Variants in PFKP observed in about 807,000 individuals in gnomAD.
PFKP encodes ATP-dependent 6-phosphofructokinase, platelet type.
PFKP carries 101 observed loss-of-function variants against 94.3 expected under a neutral mutation model. The ratio of observed to expected loss-of-function variants is 1.07; its 90% CI spans 0.91 to 1.26. PFKP has a LOEUF of 1.26. Among genes scored for constraint, PFKP ranks in the 50% most tolerant of loss-of-function variants. The pLI, the probability that PFKP is intolerant of heterozygous loss-of-function variation, is 0.00. For synonymous variants in PFKP, 573 were observed against 432.6 expected (o/e 1.32, Z -4.03); for missense variants, 1,145 against 1,103.3 (o/e 1.04, Z -0.53).
At chr10:3,125,049 A>C in intron 16 of PFKP, 1 of 1,164,808 alleles carries the variant, frequency 8.6e-7, no homozygotes, top group Non-Finnish European at 1.1e-6. Flanking sequence ...TGGGGCTGGC[A>C]GGTGAGCACC....
At chr10:3,093,454 T>C (rs1834215962) in intron 2 of PFKP, among the ~76,000 whole-genome samples, 1 of 152,172 alleles carries the variant, frequency 6.6e-6, no homozygotes, top group African/African-American at 2.4e-5. Flanking sequence ...GACCTGACTC[T>C]ACAGGGTCTT....
chr10:3,087,798 TTCC>T (rs1447587617), intron 2 of PFKP, among the ~76,000 whole-genome samples: 3 of 152,084 alleles, frequency 2.0e-5, no homozygotes, highest in Admixed American at 2.0e-4. Context: ...TTTCTTCACC[TTCC>T]TCCAGTGTAG....
chr10:3,118,247 T>TC (rs1364089383), intron 14 of PFKP, among the ~76,000 whole-genome samples: 6 of 152,188 alleles, frequency 3.9e-5, no homozygotes, highest in Non-Finnish European at 7.3e-5. Context: ...GGCAGGTGGA[T>TC]CAGGAGGTCA....
chr10:3,090,750 G>A (rs1006111274), intron 2 of PFKP, among the ~76,000 whole-genome samples: 10 of 152,098 alleles, frequency 6.6e-5, no homozygotes, highest in Admixed American at 5.2e-4. Flanking sequence ...CAACATCGGC[G>A]AACGTCCTAT....
intron 11 of PFKP, among the ~76,000 whole-genome samples, chr10:3,112,751 A>G (rs945884275): frequency 2.0e-5 from 3 of 152,228 alleles, no homozygotes; most frequent in African/African-American, 7.2e-5. Context: ...TATTTTTAGT[A>G]CAGACGGGGT....
chr10:3,091,673 G>T (rs1395203173), intron 2 of PFKP, among the ~76,000 whole-genome samples: 2 of 152,066 alleles, frequency 1.3e-5, no homozygotes, highest in African/African-American at 4.8e-5. Context: ...CAGGTAGCTG[G>T]GCGTGGTGTA....
rs1475350741 is a variant in PFKP at position 3,118,781 on chromosome 10, GC to G, written c.1443del (p.Val482PhefsTer23). The stretch of plus-strand genomic sequence containing the variant: ...ATCGTTCTCCACGTGGCTATTTTCA[GC>G]GTTCTCCCGGGGAAGTACTTGGAAG... ...GQGGSILGTK[R>X]VLPGKYLEEI... On this transcript the variant is annotated frameshift_variant and splice_region_variant, in exon 15 of 22. Coordinates refer to ENST00000381125, the MANE Select transcript of PFKP (RefSeq NM_002627.5). LOFTEE classifies it high-confidence loss of function. The G allele has an allele frequency of 6.2e-7, 1 of 1,612,428 alleles. No individual in the cohort carries two copies. Among genetic ancestry groups the G allele is most frequent in the South Asian group, 1.1e-5 (1 of 90,898 alleles).
chr10:3,102,053 CATCCCGGCTAAA>C (rs1178513364), intron 4 of PFKP, among the ~76,000 whole-genome samples: 2 of 150,438 alleles, frequency 1.3e-5, no homozygotes, highest in African/African-American at 4.9e-5. Flanking sequence ...AGATCGAGAC[CATCCCGGCTAAA>C]ACGGTGAAAC....
At chr10:3,118,312 C>CA (rs531741302) in intron 14 of PFKP, among the ~76,000 whole-genome samples, 68 of 151,932 alleles carry the variant, frequency 4.5e-4, no homozygotes, top group Admixed American at 2.2e-3. Context: ...ACTAAAAATG[C>CA]AAAAAATTAG....
At chr10:3,078,898 C>T (rs1252551584) in intron 1 of PFKP, among the ~76,000 whole-genome samples, 1 of 152,180 alleles carries the variant, frequency 6.6e-6, no homozygotes, top group Non-Finnish European at 1.5e-5. Context: ...ATGGCTCCAT[C>T]CTACCAATGC....
rs1012118525 is a variant in PFKP, at chr10:3,102,267, A to G, written c.454+713A>G. 3.4e-5 allele frequency among the ~76,000 whole-genome samples: 5 copies of G among 148,680 alleles called. No individual in the cohort carries two copies. The South Asian group carries it at 8.5e-4, about 25-fold the overall frequency. ...CTCTGTCTCAAAAAAAAAAAAAAAA[A>G]AAAAAACTGAAGTTGCCACAGGACT... is the stretch of plus-strand genomic sequence containing the variant. On this transcript the variant is annotated intron_variant, in intron 4 of 21. Transcript: ENST00000381125.
chr10:3,080,224 A>T (rs1832943882), intron 1 of PFKP, among the ~76,000 whole-genome samples: 1 of 152,198 alleles, frequency 6.6e-6, no homozygotes, highest in Non-Finnish European at 1.5e-5. Context: ...TTCGTGCTTT[A>T]GAAGAGAACA....
At position 3,136,615 on chromosome 10, in the gene PFKP, G is replaced by C. The variant is rs778100436; in HGVS notation, c.*36G>C. On this transcript the variant is annotated 3_prime_UTR_variant, in exon 22 of 22. Coordinates refer to ENST00000381125, the MANE Select transcript of PFKP (RefSeq NM_002627.5). Reference sequence around the variant, plus strand: ...CCTGCATGTGCCTGCAGCCACCGTGGACTGTCTGTTTTTGTAACACTTAAG... The same window carrying C: ...CCTGCATGTGCCTGCAGCCACCGTGCACTGTCTGTTTTTGTAACACTTAAG... 1.9e-6 allele frequency: 3 copies of C among 1,605,646 alleles called. No individual in the cohort carries two copies. The highest frequency in any genetic ancestry group is 1.1e-5 in the South Asian group (1 of 90,310).
rs149579650 is a variant in PFKP, at chr10:3,111,875, A to T, written c.1090-347A>T. 2.9e-3 allele frequency among the ~76,000 whole-genome samples: 447 copies of T among 152,288 alleles called. 1 individual carries two copies. The highest frequency in any genetic ancestry group is 5.3e-3 in the Non-Finnish European group (358 of 68,024). ...ATCAAATTGAGAATTCCTTAGAACC[A>T]TGCCTGAGAGATTTCATTTCCTCTG... On this transcript the variant is annotated intron_variant, in intron 10 of 21. Transcript: ENST00000381125.
chr10:3,101,238 A>G, intron 3 of PFKP, 127 bp from the exon 4 acceptor site: 1 of 820,844 alleles, frequency 1.2e-6, no homozygotes, highest in Non-Finnish European at 1.9e-6. Flanking sequence ...GCTAGTTACT[A>G]ACTCACAAGA....
intron 7 of PFKP, 60 bp downstream of exon 7, chr10:3,105,561 G>T: frequency 1.7e-6 from 2 of 1,197,640 alleles, no homozygotes; most frequent in South Asian, 1.2e-5. Flanking sequence ...CTTTAATCAG[G>T]ATCCCAAGTG....
chr10:3,072,349 G>A (rs1432914164), intron 1 of PFKP, among the ~76,000 whole-genome samples: 1 of 152,210 alleles, frequency 6.6e-6, no homozygotes, highest in African/African-American at 2.4e-5. Flanking sequence ...GGGCACCTTT[G>A]GTGTCTGAAG....
chr10:3,105,203 G>A lies in PFKP; in HGVS notation c.665+44G>A, dbSNP rs773874959. Reference sequence around the variant, plus strand: ...TCCGGTGGACGCGGTTCAGGTGGGGGACCCTCAGCATCATCTCCCTGAGGC... The same window carrying A: ...TCCGGTGGACGCGGTTCAGGTGGGGAACCCTCAGCATCATCTCCCTGAGGC... On this transcript the variant is annotated intron_variant, in intron 6 of 21. Transcript: ENST00000381125. The A allele has an allele frequency of 1.6e-5, 25 of 1,573,848 alleles. No individual in the cohort carries two copies. The South Asian group carries it at 2.7e-4, about 17-fold the overall frequency.
At position 3,113,146 on chromosome 10, in the gene PFKP, C is replaced by T; in HGVS notation, c.1182C>T (p.Tyr394=). The T allele has an allele frequency of 1.2e-6, 2 of 1,613,286 alleles. No individual in the cohort carries two copies. The highest frequency in any genetic ancestry group is 2.2e-5 in the East Asian group (1 of 44,854). ...GRSFAGNLNT[Y]KRLAIKLPDD... ...GCTTTGCGGGCAACCTGAACACCTA[C>T]AAGCGACTTGCCATCAAGCTGCCGG... The change falls in exon 12 of 22, where the codon TAC becomes TAT. Residue 394 remains tyrosine (Y), a synonymous_variant. Coordinates refer to ENST00000381125, the MANE Select transcript of PFKP (RefSeq NM_002627.5).
Sources: gnomAD v4.1 joint callset for allele counts (sites outside exome capture counted in the v4.1 genomes callset) on GRCh38, gnomAD v4.1.1 for gene constraint, MANE v1.5 for transcripts, NCBI Gene and HGNC (gene_info 2026-07-23, HGNC 2026-07-21) for gene names.